PPP2R5B: variants seen among roughly 807,000 people sequenced by gnomAD.
The protein encoded by PPP2R5B is serine/threonine-protein phosphatase 2A 56 kDa regulatory subunit beta isoform.
In PPP2R5B, 19 loss-of-function variants were observed where a neutral mutation model predicts 59.9. That is an observed-to-expected ratio of 0.32 (90% CI 0.22 to 0.47). The LOEUF is 0.47. Ranked by LOEUF, PPP2R5B falls within the 20% of genes least tolerant of loss-of-function variation. The probability of loss-of-function intolerance (pLI) is 1.00; values close to 1 mark genes in which losing one functional copy is unlikely to be tolerated. For missense variants in PPP2R5B, 441 were observed against 640.2 expected (o/e 0.69, Z 3.36); for synonymous variants, 286 against 260.5 (o/e 1.10, Z -0.94).
chr11:64,920,232 C>T (rs569951727), upstream of PPP2R5B, among the ~76,000 whole-genome samples: 8 of 152,212 alleles, frequency 5.3e-5, no homozygotes, highest in Non-Finnish European at 1.0e-4. Flanking sequence ...GCCCCTGGAG[C>T]CACTCTGGGA....
In PPP2R5B at chr11:64,925,104, G is replaced by A. The variant is rs959204741; in HGVS notation, c.-265+76G>A. The stretch of plus-strand genomic sequence containing the variant: ...AGGTGGGGGAGGGTGCCAGGTTCTA[G>A]GAGCGGGGTGGCATCGGGACAGCAC... On this transcript the variant is annotated intron_variant, in intron 1 of 13. Transcript: ENST00000164133. This position sits in a 1 kb window ranked among gnomAD's most constrained non-coding sequence, Gnocchi z 4.6. The A allele has an allele frequency of 6.6e-6, 1 of 152,558 alleles. No individual in the cohort carries two copies. The highest frequency in any genetic ancestry group is 2.4e-5 in the African/African-American group (1 of 41,466). The allele number at this position is 152,558 out of a possible 1,614,324, so 9.5% of individuals were successfully genotyped here.
At position 64,925,647 on chromosome 11, in the gene PPP2R5B, A is replaced by C; in HGVS notation, c.-88A>C. 1.3e-4 allele frequency: 57 copies of C among 454,612 alleles called. No individual in the cohort carries two copies. Among genetic ancestry groups the C allele is most frequent in the Middle Eastern group, 3.6e-4 (1 of 2,780 alleles). 28.2% of individuals were successfully genotyped at this position (454,612 alleles called of 1,614,324 possible). A position where few individuals can be genotyped will look rare whatever the true frequency, so the allele number is the denominator to read the frequency against. ...CCCAAAGGCCGGACAGGATGGGACCAAGTTAGTCTGTCCAGTCTCACCCAG... is the reference window on the plus strand; with the variant it reads ...CCCAAAGGCCGGACAGGATGGGACCCAGTTAGTCTGTCCAGTCTCACCCAG... On this transcript the variant is annotated 5_prime_UTR_variant, in exon 2 of 14. Coordinates refer to ENST00000164133, the MANE Select transcript of PPP2R5B (RefSeq NM_006244.4). The surrounding 1 kb of genome is among the most constrained non-coding windows in gnomAD (Gnocchi z 4.6).
At position 64,930,484 on chromosome 11, in the gene PPP2R5B, C is replaced by A; in HGVS notation, c.786C>A (p.Ile262=). ...CTCTCTTCTGCCTCCTCCTCAGCAT[C>A]ATCAATGGCTTTGCGCTGCCCCTGA... is the stretch of plus-strand genomic sequence containing the variant. ...VAELLEILGS[I]INGFALPLKT... The change falls in exon 8 of 14, where the codon ATC becomes ATA. Residue 262 remains isoleucine (I), a synonymous_variant. Transcript: ENST00000164133. 2 of 1,614,158 alleles carry A rather than the reference C, an allele frequency of 1.2e-6. No homozygotes were observed. Among genetic ancestry groups the A allele is most frequent in the Non-Finnish European group, 1.7e-6 (2 of 1,180,026 alleles).
At chr11:64,921,829 C>T (rs570853820), upstream of PPP2R5B, among the ~76,000 whole-genome samples, 4 of 152,220 alleles carry the variant, frequency 2.6e-5, no homozygotes, top group Admixed American at 6.5e-5. Flanking sequence ...AAATACAATA[C>T]TGTTGGATTG....
chr11:64,923,997 G>T (rs1945132348), upstream of PPP2R5B, among the ~76,000 whole-genome samples: 1 of 152,174 alleles, frequency 6.6e-6, no homozygotes, highest in Non-Finnish European at 1.5e-5. Flanking sequence ...TTAGGGTCCA[G>T]GGGGGCTGAA....
chr11:64,928,736 T>C (rs979992266), intron 6 of PPP2R5B, among the ~76,000 whole-genome samples: 2 of 152,072 alleles, frequency 1.3e-5, no homozygotes, highest in South Asian at 2.1e-4. Context: ...TACAAAAAAT[T>C]AGCCGGGCGC....
chr11:64,922,254 C>T (rs1047079710), upstream of PPP2R5B, among the ~76,000 whole-genome samples: 1 of 151,908 alleles, frequency 6.6e-6, no homozygotes, highest in South Asian at 2.1e-4. Context: ...GAGGCTGAGG[C>T]GAATGGATCG....
chr11:64,925,986 G>A lies in PPP2R5B; in HGVS notation c.199+53G>A. On this transcript the variant is annotated intron_variant, in intron 2 of 13. Transcript: ENST00000164133. This position sits in a 1 kb window ranked among gnomAD's most constrained non-coding sequence, Gnocchi z 4.6. ...ACCGAACCCCCGAGGGGACCAGCAG[G>A]GCCATGGGGAGGGGTGGGAGGCAGC... 1 of 1,551,482 alleles carries A rather than the reference G, an allele frequency of 6.4e-7. No homozygotes were observed. The highest frequency in any genetic ancestry group is 2.3e-5 in the East Asian group (1 of 43,772).
chr11:64,933,333 C>T, intron 13 of PPP2R5B, 87 bp downstream of exon 13: 1 of 1,151,990 alleles, frequency 8.7e-7, no homozygotes, highest in Non-Finnish European at 1.3e-6. Flanking sequence ...GAGGACTACC[C>T]CAAACTCTGT....
rs935705341 is a variant in PPP2R5B at position 64,928,351 on chromosome 11, C to A, written c.648C>A (p.Ile216=). Reference sequence around the variant, plus strand: ...GGGAGCGTGAGTACCTCAAGACCATCCTGCACCGGGTCTATGGCAAGTTCC... The same window carrying A: ...GGGAGCGTGAGTACCTCAAGACCATACTGCACCGGGTCTATGGCAAGTTCC... ...DPREREYLKT[I]LHRVYGKFLG... The change falls in exon 6 of 14, where the codon ATC becomes ATA. Residue 216 remains isoleucine, a synonymous_variant. Coordinates refer to ENST00000164133, the MANE Select transcript of PPP2R5B (RefSeq NM_006244.4). 25 of 1,614,152 alleles carry A rather than the reference C, an allele frequency of 1.5e-5. No homozygotes were observed. Among genetic ancestry groups the A allele is most frequent in the East Asian group, 2.2e-5 (1 of 44,894 alleles).
chr11:64,926,322 G>A (rs751303151), intron 2 of PPP2R5B, among the ~76,000 whole-genome samples: 6 of 152,214 alleles, frequency 3.9e-5, no homozygotes, highest in Non-Finnish European at 8.8e-5. Flanking sequence ...GGGCCAGACT[G>A]GCCAAGCCTG....
chr11:64,926,565 C>G (rs1026292727), intron 2 of PPP2R5B, 147 bp from the exon 3 acceptor site: 1 of 787,948 alleles, frequency 1.3e-6, no homozygotes, highest in Non-Finnish European at 2.0e-6. Context: ...TAGTTGTTTG[C>G]TGTCTGCAAG....
upstream of PPP2R5B, among the ~76,000 whole-genome samples, chr11:64,921,533 G>C (rs1174356888): frequency 2.6e-5 from 4 of 152,230 alleles, no homozygotes; most frequent in Admixed American, 2.6e-4. Context: ...ACCCTCTGGG[G>C]TGAGAAAGGG....
In PPP2R5B at chr11:64,925,778, C is replaced by T; in HGVS notation, c.44C>T (p.Ser15Phe). 6.3e-7 allele frequency: 1 copy of T among 1,579,986 alleles called. No individual in the cohort carries two copies. Among genetic ancestry groups the T allele is most frequent in the Non-Finnish European group, 8.6e-7 (1 of 1,156,202 alleles). The change falls in exon 2 of 14, where the codon TCC becomes TTC. Residue 15 changes from serine to phenylalanine, a missense_variant. By Grantham distance (155) the Ser-to-Phe change is radical (BLOSUM62 -2). Coordinates refer to ENST00000164133, the MANE Select transcript of PPP2R5B (RefSeq NM_006244.4). The surrounding 1 kb of genome is among the most constrained non-coding windows in gnomAD (Gnocchi z 4.6). ...CCTGCAAGCACCCCCACTAGCCCCT[C>T]CTCCCCCGGGCTGTCGCCTGTGCCC... ...LPPASTPTSPSSPGLSPVPPP... is the reference protein window; with the variant it reads ...LPPASTPTSPFSPGLSPVPPP...
upstream of PPP2R5B, among the ~76,000 whole-genome samples, chr11:64,922,522 A>ATCC (rs2136674031): frequency 6.6e-6 from 1 of 151,916 alleles, no homozygotes; most frequent in East Asian, 1.9e-4. Flanking sequence ...TCAATCTTGC[A>ATCC]TCCTCCAAGT....
At chr11:64,929,422 TCG>T (rs1945204994) in intron 6 of PPP2R5B, among the ~76,000 whole-genome samples, 6 of 152,160 alleles carry the variant, frequency 3.9e-5, no homozygotes, top group Admixed American at 3.9e-4. Context: ...CCTAGTTTGC[TCG>T]TCTTTAAAAT....
At chr11:64,928,741 G>A (rs1423274375) in intron 6 of PPP2R5B, among the ~76,000 whole-genome samples, 2 of 152,180 alleles carry the variant, frequency 1.3e-5, no homozygotes, top group Non-Finnish European at 2.9e-5. Context: ...AAAATTAGCC[G>A]GGCGCGGTGG....
At chr11:64,922,493 A>G (rs1324268766), upstream of PPP2R5B, among the ~76,000 whole-genome samples, 1 of 151,654 alleles carries the variant, frequency 6.6e-6, no homozygotes, top group African/African-American at 2.4e-5. Context: ...GTCTCAAAAA[A>G]CAAACAAACA....
chr11:64,932,444 C>G (rs1945236517), intron 11 of PPP2R5B, among the ~76,000 whole-genome samples: 1 of 152,170 alleles, frequency 6.6e-6, no homozygotes, highest in Non-Finnish European at 1.5e-5. Flanking sequence ...TCATTTGATT[C>G]TTATAACATC....
Sources: gnomAD v4.1 joint callset for allele counts (sites outside exome capture counted in the v4.1 genomes callset) on GRCh38, gnomAD v4.1.1 for gene constraint, Gnocchi (gnomAD v3.1) non-coding constraint, MANE v1.5 for transcripts, NCBI Gene and HGNC (gene_info 2026-07-23, HGNC 2026-07-21) for gene names.